Variants in GLI2 observed in about 807,000 individuals in gnomAD.
GLI2 encodes transcription activator GLI2.
In GLI2, 22 loss-of-function variants were observed where a neutral mutation model predicts 78.9. The ratio of observed to expected loss-of-function variants is 0.28; its 90% CI spans 0.20 to 0.40. The LOEUF (loss-of-function observed/expected upper bound fraction) is 0.40, where lower values mean the gene tolerates loss of function less well. GLI2 is among the 10% of genes least tolerant of loss of function. The pLI, the probability that GLI2 is intolerant of heterozygous loss-of-function variation, is 1.00. For synonymous variants in GLI2, 974 were observed against 963.7 expected, an observed-to-expected ratio of 1.01 and a Z score of -0.20; for missense variants, 2,097 against 2,213.2, an observed-to-expected ratio of 0.95 and a Z score of 1.05.
chr2:120,948,040 G>C (rs570415011), intron 3 of GLI2, among the ~76,000 whole-genome samples: 2 of 152,194 alleles, frequency 1.3e-5, no homozygotes, highest in African/African-American at 2.4e-5. Context: ...CCAGCTTTCT[G>C]TCTGGTCACA....
At chr2:120,797,789 G>A (rs143858329) in intron 2 of GLI2, among the ~76,000 whole-genome samples, 138 of 152,260 alleles carry the variant, frequency 9.1e-4, no homozygotes, top group African/African-American at 3.2e-3. Flanking sequence ...CCTGGGGTGC[G>A]TGCAGCTGGC....
In GLI2 at chr2:120,988,754, G is replaced by A. The variant is rs1015690843; in HGVS notation, c.2789G>A (p.Gly930Asp). The A allele has an allele frequency of 3.1e-5, 39 of 1,241,182 alleles. No individual in the cohort carries two copies. In the African/African-American group the frequency reaches 5.8e-4, roughly 19 times the overall value. 76.9% of individuals were successfully genotyped at this position (1,241,182 alleles called of 1,614,324 possible). ...CGTGGCAGCGACGGGCCGACCTATGGCCACGGCCACGCGGGGGCTGCGCCC... is the reference window on the plus strand; with the variant it reads ...CGTGGCAGCGACGGGCCGACCTATGACCACGGCCACGCGGGGGCTGCGCCC... ...PRRGSDGPTY[G>D]HGHAGAAPAF... Residue 930 changes from glycine (G) to aspartate (D), a missense_variant, in exon 14 of 14, where the codon GGC (glycine) becomes GAC (aspartate). By Grantham distance (94) the Gly-to-Asp change is moderately conservative. Around this residue, in one of 5 missense-constraint regions of GLI2, gnomAD observed 1,290 missense variants for 1,261.7 expected, o/e 1.02. Transcript: ENST00000361492.
intron 2 of GLI2, among the ~76,000 whole-genome samples, chr2:120,802,397 C>T (rs927321462): frequency 6.6e-6 from 1 of 152,146 alleles, no homozygotes; most frequent in Non-Finnish European, 1.5e-5. Context: ...CCTGGGAGGG[C>T]GAGTTCTTTC....
intron 2 of GLI2, among the ~76,000 whole-genome samples, chr2:120,825,094 G>A (rs1267831053): frequency 6.6e-6 from 1 of 152,120 alleles, no homozygotes; most frequent in East Asian, 1.9e-4. Flanking sequence ...CCAAAGTGCT[G>A]GGATTACAGG....
intron 1 of GLI2, among the ~76,000 whole-genome samples, chr2:120,743,682 A>T (rs181549806): frequency 6.6e-6 from 1 of 152,330 alleles, no homozygotes. Context: ...AGTTATCCCC[A>T]GGGACTGGGA....
At chr2:120,854,453 GC>G (rs1318688644) in intron 2 of GLI2, among the ~76,000 whole-genome samples, 1 of 152,170 alleles carries the variant, frequency 6.6e-6, no homozygotes, top group Non-Finnish European at 1.5e-5. Context: ...AAGGGGGGCT[GC>G]CCCAGTCATC....
chr2:120,753,442 G>A (rs1001501659), intron 1 of GLI2, among the ~76,000 whole-genome samples: 1 of 152,026 alleles, frequency 6.6e-6, no homozygotes, highest in Non-Finnish European at 1.5e-5. Flanking sequence ...AAAAAATCTG[G>A]TTGTTTCAAT....
chr2:120,951,487 G>A, intron 4 of GLI2, 42 bp downstream of exon 4: 3 of 1,320,052 alleles, frequency 2.3e-6, no homozygotes, highest in Non-Finnish European at 3.2e-6. Flanking sequence ...CTAGGGCACT[G>A]GGGCAGGGCG....
chr2:120,924,634 C>A (rs748118972), intron 2 of GLI2, among the ~76,000 whole-genome samples: 1 of 152,172 alleles, frequency 6.6e-6, no homozygotes, highest in Non-Finnish European at 1.5e-5. Flanking sequence ...GTTTTTAAGG[C>A]CCTTTTCTAC....
intron 3 of GLI2, among the ~76,000 whole-genome samples, chr2:120,935,223 G>A (rs1218795704): frequency 6.6e-6 from 1 of 152,170 alleles, no homozygotes; most frequent in Non-Finnish European, 1.5e-5. Flanking sequence ...CACCCACCAG[G>A]CAACTTGTCC....
rs549853972 is a variant in GLI2, at chr2:120,964,625, A to G, written c.644-4089A>G. Among the ~76,000 whole-genome samples, 485 of 152,356 alleles carry G rather than the reference A, an allele frequency of 3.2e-3. 2 individuals are homozygous for G. The highest frequency in any genetic ancestry group is 0.011 in the African/African-American group (458 of 41,600). The stretch of plus-strand genomic sequence containing the variant: ...GGGTCTCCCGCTTTGCCACTGCGCA[A>G]GTAGCAGGCACGTGCTGTAGGAAGA... On this transcript the variant is annotated intron_variant, in intron 5 of 13. Coordinates refer to ENST00000361492, the MANE Select transcript of GLI2 (RefSeq NM_001374353.1).
At chr2:120,846,137 T>C (rs903104254) in intron 2 of GLI2, among the ~76,000 whole-genome samples, 1 of 152,188 alleles carries the variant, frequency 6.6e-6, no homozygotes, top group African/African-American at 2.4e-5. Flanking sequence ...ATCTCCCCCG[T>C]CAGTCATTCT....
chr2:120,750,990 C>T (rs1218962809), intron 1 of GLI2, among the ~76,000 whole-genome samples: 2 of 152,260 alleles, frequency 1.3e-5, no homozygotes, highest in Admixed American at 6.5e-5. Flanking sequence ...CAGCCAGATC[C>T]CTCCGGAAGC....
chr2:120,965,496 G>A (rs530989904), intron 5 of GLI2, among the ~76,000 whole-genome samples: 89 of 150,260 alleles, frequency 5.9e-4, no homozygotes, highest in African/African-American at 2.1e-3. Flanking sequence ...TGCTGCGGCA[G>A]AGGGGCACAC....
At chr2:120,976,218 G>A (rs1214473792) in intron 9 of GLI2, among the ~76,000 whole-genome samples, 3 of 152,162 alleles carry the variant, frequency 2.0e-5, no homozygotes, top group Admixed American at 6.5e-5. Flanking sequence ...ACGCGTCTCC[G>A]ATTCATATTC....
intron 12 of GLI2, 39 bp downstream of exon 12, chr2:120,984,782 C>T: frequency 1.2e-6 from 2 of 1,605,134 alleles, no homozygotes; most frequent in Non-Finnish European, 8.5e-7. Context: ...CAAGGCGACT[C>T]CATAGCCGTG....
At chr2:120,826,881 C>A (rs56268632) in intron 2 of GLI2, among the ~76,000 whole-genome samples, 6,575 of 152,274 alleles carry the variant, frequency 0.043, 475 homozygotes, top group African/African-American at 0.15. Context: ...TCTGTCTCCC[C>A]TTCAAATGCT....
chr2:120,939,992 G>A (rs961983952), intron 3 of GLI2, among the ~76,000 whole-genome samples: 2 of 152,186 alleles, frequency 1.3e-5, no homozygotes, highest in Non-Finnish European at 2.9e-5. Context: ...TCTTTTCTGT[G>A]ATTCTAATTT....
At chr2:120,913,367 A>G (rs1242524582) in intron 2 of GLI2, among the ~76,000 whole-genome samples, 1 of 152,184 alleles carries the variant, frequency 6.6e-6, no homozygotes, top group East Asian at 1.9e-4. Flanking sequence ...TCTCATTAAC[A>G]ATTTTTTTAC....
Sources: gnomAD v4.1 joint callset for allele counts (sites outside exome capture counted in the v4.1 genomes callset) on GRCh38, gnomAD v4.1.1 for gene constraint, gnomAD v4.1.1 regional missense constraint, MANE v1.5 for transcripts, NCBI Gene and HGNC (gene_info 2026-07-23, HGNC 2026-07-21) for gene names.